The following SYN2 variants were observed in gnomAD, a reference collection of about 807,000 sequenced individuals.
SYN2 encodes the protein synapsin II.
SYN2 carries 19 observed loss-of-function variants against 50.9 expected under a neutral mutation model. That is an observed-to-expected ratio of 0.37 (90% CI 0.26 to 0.55). The LOEUF is 0.55. Ranked by LOEUF, SYN2 falls within the 20% of genes least tolerant of loss-of-function variation. The pLI is 0.81. For synonymous variants in SYN2, 255 were observed against 224.9 expected (o/e 1.13, Z -1.20); for missense variants, 587 against 576.4 (o/e 1.02, Z -0.19).
chr3:12,085,491 C>T (rs1420908496), intron 1 of SYN2, among the ~76,000 whole-genome samples: 2 of 151,928 alleles, frequency 1.3e-5, no homozygotes, highest in African/African-American at 4.8e-5. Flanking sequence ...ACTTCAATAC[C>T]CCATTTTCAA....
chr3:12,063,012 A>G (rs1431509390), intron 1 of SYN2, among the ~76,000 whole-genome samples: 1 of 152,008 alleles, frequency 6.6e-6, no homozygotes, highest in East Asian at 1.9e-4. Context: ...GTCCAATTAT[A>G]TGCCATTTTG....
intron 4 of SYN2, among the ~76,000 whole-genome samples, chr3:12,150,694 C>T (rs1697263568): frequency 6.6e-6 from 1 of 152,212 alleles, no homozygotes; most frequent in Admixed American, 6.5e-5. Context: ...CATGACCATT[C>T]TAATCTTCCT....
At chr3:12,007,036 G>T (rs1156496385) in intron 1 of SYN2, among the ~76,000 whole-genome samples, 3 of 152,208 alleles carry the variant, frequency 2.0e-5, no homozygotes, top group Non-Finnish European at 4.4e-5. Context: ...GGTATCTATA[G>T]ATAGGTACTG....
intron 10 of SYN2, among the ~76,000 whole-genome samples, chr3:12,176,542 A>G (rs1415867097): frequency 6.6e-6 from 1 of 152,194 alleles, no homozygotes; most frequent in African/African-American, 2.4e-5. Context: ...GGAAGCATTC[A>G]TATACATTTG....
chr3:12,049,518 CAA>C (rs111568530), intron 1 of SYN2, among the ~76,000 whole-genome samples: 1 of 21,296 alleles, frequency 4.7e-5, no homozygotes, highest in Admixed American at 6.4e-4. Context: ...GACTCCGTCT[CAA>C]AAAAAAAAAA....
intron 1 of SYN2, among the ~76,000 whole-genome samples, chr3:12,068,932 C>CG (rs1462484419): frequency 6.6e-6 from 1 of 152,208 alleles, no homozygotes; most frequent in African/African-American, 2.4e-5. Context: ...TTCTCCACAC[C>CG]TTCTCAGCCT....
At chr3:12,113,034 C>T (rs74467646) in intron 1 of SYN2, among the ~76,000 whole-genome samples, 169 of 152,248 alleles carry the variant, frequency 1.1e-3, no homozygotes, top group African/African-American at 3.8e-3. Flanking sequence ...TTTTGAGTGA[C>T]AGAGCTTTCT....
chr3:12,018,579 G>A (rs906606409), intron 1 of SYN2, among the ~76,000 whole-genome samples: 3 of 152,148 alleles, frequency 2.0e-5, no homozygotes, highest in Non-Finnish European at 2.9e-5. Context: ...GAATTCTCTT[G>A]CAGAAACATC....
At chr3:12,185,127 T>A (rs954225575) in intron 11 of SYN2, 1 of 985,846 alleles carries the variant, frequency 1.0e-6, no homozygotes, top group Non-Finnish European at 1.2e-6. Context: ...TGGTAGTTGA[T>A]CTGTTGTAAA....
chr3:12,147,217 A>ATG (rs550119890), intron 4 of SYN2, among the ~76,000 whole-genome samples: 1 of 147,516 alleles, frequency 6.8e-6, no homozygotes, highest in Non-Finnish European at 1.5e-5. Flanking sequence ...GTGTGTGTGT[A>ATG]TGTGTGTGTG....
intron 2 of SYN2, among the ~76,000 whole-genome samples, chr3:12,141,376 A>G (rs1697014583): frequency 6.6e-6 from 1 of 152,208 alleles, no homozygotes; most frequent in Admixed American, 6.5e-5. Context: ...TTTTCAAACA[A>G]CTTGTTACAT....
intron 1 of SYN2, among the ~76,000 whole-genome samples, chr3:12,114,621 A>T (rs1043084743): frequency 3.3e-5 from 5 of 152,106 alleles, no homozygotes; most frequent in African/African-American, 1.2e-4. Flanking sequence ...TTATAATGTT[A>T]ATGGTAGAAT....
chr3:12,093,118 C>G (rs1695863498), intron 1 of SYN2, among the ~76,000 whole-genome samples: 1 of 152,136 alleles, frequency 6.6e-6, no homozygotes, highest in South Asian at 2.1e-4. Flanking sequence ...CTTTCTAGCT[C>G]CAATATTCTG....
At position 12,084,385 on chromosome 3, in the gene SYN2, C is replaced by T. The variant is rs1258350469; in HGVS notation, c.378-56266C>T. On this transcript the variant is annotated intron_variant, in intron 1 of 12. Coordinates refer to ENST00000621198, the MANE Select transcript of SYN2 (RefSeq NM_133625.6). ...ATTAAACAGATTCTTTCCTCCTGGA[C>T]AGTGGCTCAGATAATAATCTAGAAG... Among the ~76,000 whole-genome samples, 4 of 152,132 alleles carry T rather than the reference C, an allele frequency of 2.6e-5. No individual in the cohort carries two copies. The East Asian group carries it at 7.7e-4, about 29-fold the overall frequency.
intron 1 of SYN2, among the ~76,000 whole-genome samples, chr3:12,089,921 C>T (rs951542518): frequency 6.6e-6 from 1 of 152,122 alleles, no homozygotes; most frequent in Non-Finnish European, 1.5e-5. Flanking sequence ...TTCTGTAATT[C>T]TGGACAGTCA....
At chr3:12,135,095 A>G (rs1696866057) in intron 1 of SYN2, among the ~76,000 whole-genome samples, 1 of 152,212 alleles carries the variant, frequency 6.6e-6, no homozygotes, top group Admixed American at 6.5e-5. Flanking sequence ...ATGTTTGGGT[A>G]TGGTTTTTCA....
Position 12,190,998 on chromosome 3 carries a change from T to C in SYN2, c.*373T>C. 1 of 1,022,988 alleles carries C rather than the reference T, an allele frequency of 9.8e-7. No individual in the cohort carries two copies. Among genetic ancestry groups the C allele is most frequent in the Non-Finnish European group, 1.2e-6 (1 of 855,112 alleles). 63.4% of individuals were successfully genotyped at this position (1,022,988 alleles called of 1,614,324 possible). Reference sequence around the variant, plus strand: ...CTCCTGGCAGCTTAACCTAGCTCAGTTGCAGTGCTAAGCATGCCCCGCCCC... The same window carrying C: ...CTCCTGGCAGCTTAACCTAGCTCAGCTGCAGTGCTAAGCATGCCCCGCCCC... On this transcript the variant is annotated 3_prime_UTR_variant, in exon 13 of 13. Transcript: ENST00000621198.
At chr3:12,063,973 G>C (rs1029401446) in intron 1 of SYN2, among the ~76,000 whole-genome samples, 1 of 143,064 alleles carries the variant, frequency 7.0e-6, no homozygotes, top group African/African-American at 2.5e-5. Flanking sequence ...AAAGAGTACA[G>C]TAGGGAAAGT....
At chr3:12,169,190 A>T (rs1342619063) in intron 9 of SYN2, among the ~76,000 whole-genome samples, 1 of 152,144 alleles carries the variant, frequency 6.6e-6, no homozygotes, top group Non-Finnish European at 1.5e-5. Context: ...TGGACTATGG[A>T]GTCTGTGAGG....
Sources: allele counts gnomAD v4.1 joint callset (sites outside exome capture counted in the v4.1 genomes callset), GRCh38; gene constraint gnomAD v4.1.1; transcripts MANE v1.5; gene names NCBI Gene and HGNC (gene_info 2026-07-23, HGNC 2026-07-21).